Variants in OGT observed in about 807,000 individuals in gnomAD.
OGT encodes the protein UDP-N-acetylglucosamine--peptide N-acetylglucosaminyltransferase 110 kDa subunit.
Under a neutral mutation model 75.8 loss-of-function variants are expected in OGT, and 3 were observed. That is an observed-to-expected ratio of 0.04 (90% CI 0.02 to 0.10). The LOEUF is 0.10. OGT is among the 10% of genes least tolerant of loss of function. OGT has a pLI of 1.00. For synonymous variants in OGT, 257 were observed against 289.7 expected, an observed-to-expected ratio of 0.89 and a Z score of 1.15; for missense variants, 260 against 824.4, an observed-to-expected ratio of 0.32 and a Z score of 8.38.
intron 5 of OGT, 24 bp downstream of exon 5, chrX:71,548,047 G>A: frequency 1.7e-6 from 2 of 1,199,490 alleles, no homozygotes; most frequent in Non-Finnish European, 2.3e-6. Context: ...TTAATAATTG[G>A]TATTTTTGAA....
intron 5 of OGT, among the ~76,000 whole-genome samples, chrX:71,550,374 TTTTTG>T (rs1287856031): frequency 8.9e-6 from 1 of 111,935 alleles, no homozygotes. Flanking sequence ...CCATTTGTTT[TTTTTG>T]TTTTGTTTTG....
chrX:71,569,681 T>G (rs1352934227), intron 21 of OGT, among the ~76,000 whole-genome samples: 1 of 110,351 alleles, frequency 9.1e-6, no homozygotes, highest in Non-Finnish European at 1.9e-5. Flanking sequence ...AATTTTTAAA[T>G]TTTTTTGTAG....
At chrX:71,560,364 C>G in intron 14 of OGT, among the ~76,000 whole-genome samples, 1 of 108,437 alleles carries the variant, frequency 9.2e-6, no homozygotes. Context: ...TATTTCTGTA[C>G]TTGTTCTATT....
intron 5 of OGT, among the ~76,000 whole-genome samples, chrX:71,552,940 G>A (rs1410324394): frequency 1.8e-5 from 2 of 111,485 alleles, no homozygotes; most frequent in Middle Eastern, 4.6e-3. Context: ...AGACTTGGAC[G>A]TAATGTTCCT....
intron 19 of OGT, among the ~76,000 whole-genome samples, chrX:71,565,018 A>G (rs903591362): frequency 9.0e-6 from 1 of 111,080 alleles, no homozygotes; most frequent in Non-Finnish European, 1.9e-5. Flanking sequence ...AATTAGCCGG[A>G]CATGGTGGTA....
chrX:71,544,747 A>G, intron 4 of OGT, 112 bp downstream of exon 4: 2 of 618,035 alleles, frequency 3.2e-6, no homozygotes, highest in Non-Finnish European at 5.2e-6. Flanking sequence ...TTTGAAACTG[A>G]GGAAAACTGA....
chrX:71,558,359 G>C (rs1212512208), intron 12 of OGT, among the ~76,000 whole-genome samples: 2 of 109,832 alleles, frequency 1.8e-5, no homozygotes, highest in African/African-American at 6.6e-5. Context: ...TGGAGTGCTA[G>C]GTGTACTTTT....
Position 71,574,661 on chromosome X carries a change from A to G in OGT, c.*867A>G, listed in dbSNP as rs1449210805. 9.3e-6 allele frequency: 1 copy of G among 107,207 alleles called. No individual in the cohort carries two copies. Among genetic ancestry groups the G allele is most frequent in the Non-Finnish European group, 1.9e-5 (1 of 51,700 alleles). 8.8% of individuals were successfully genotyped at this position (107,207 alleles called of 1,213,427 possible). A position where few individuals can be genotyped will look rare whatever the true frequency, so the allele number is the denominator to read the frequency against. ...AGTTTTTTTTTTTTTCCTAATTTTG[A>G]CCTGTTTCACCAGTGTTTTACCCTT... On this transcript the variant is annotated 3_prime_UTR_variant, in exon 22 of 22. Coordinates refer to ENST00000373719, the MANE Select transcript of OGT (RefSeq NM_181672.3).
intron 2 of OGT, 72 bp from the exon 3 acceptor site, chrX:71,537,757 A>AGTTGCATATGGGCCATACCTTCTTTTCT: frequency 8.8e-7 from 1 of 1,131,430 alleles, no homozygotes; most frequent in Non-Finnish European, 1.2e-6. Flanking sequence ...AAACTGTTTG[A>AGTTGCATATGGGCCATACCTTCTTTTCT]GTTGCATATG....
At chrX:71,573,518 G>T in intron 21 of OGT, 102 bp from the exon 22 acceptor site, 2 of 624,564 alleles carry the variant, frequency 3.2e-6, no homozygotes, top group Non-Finnish European at 4.9e-6. Flanking sequence ...CGTAGAGTTT[G>T]GTCATGCATT....
intron 21 of OGT, 91 bp from the exon 22 acceptor site, chrX:71,573,529 T>G: frequency 2.5e-6 from 2 of 804,609 alleles, no homozygotes; most frequent in Non-Finnish European, 3.5e-6. Flanking sequence ...GTCATGCATT[T>G]TTTGCCACAA....
At chrX:71,555,614 TG>T (rs1300450700) in intron 7 of OGT, among the ~76,000 whole-genome samples, 4 of 111,734 alleles carry the variant, frequency 3.6e-5, no homozygotes, top group African/African-American at 1.3e-4. Flanking sequence ...CCCAGCTCCT[TG>T]GGAGGCCGAG....
At position 71,568,777 on chromosome X, in the gene OGT, G is replaced by A. The variant is rs183323016; in HGVS notation, c.2966+661G>A. Among the ~76,000 whole-genome samples the A allele has an allele frequency of 5.7e-3, 614 of 108,162 alleles. 4 individuals are homozygous for A. Among genetic ancestry groups the A allele is most frequent in the African/African-American group, 0.02 (582 of 29,643 alleles). 93.9% of individuals were successfully genotyped at this position (108,162 alleles called of 115,157 possible). A position where few individuals can be genotyped will look rare whatever the true frequency, so the allele number is the denominator to read the frequency against. On this transcript the variant is annotated intron_variant, in intron 21 of 21. Transcript: ENST00000373719. ...CGGGAGGCAGAGGTTGCAGTGAGCCGAGATCGCACCATTGCACTCCAGCCT... is the reference window on the plus strand; with the variant it reads ...CGGGAGGCAGAGGTTGCAGTGAGCCAAGATCGCACCATTGCACTCCAGCCT...
intron 3 of OGT, among the ~76,000 whole-genome samples, chrX:71,540,286 C>T (rs949543749): frequency 1.2e-4 from 13 of 112,270 alleles, no homozygotes; most frequent in Non-Finnish European, 2.4e-4. Context: ...GTCAAATGCC[C>T]GTTGTCAGTT....
intron 7 of OGT, 186 bp from the exon 8 acceptor site, chrX:71,555,766 CTT>C: frequency 2.1e-6 from 1 of 480,889 alleles, no homozygotes; most frequent in East Asian, 3.8e-5. Context: ...AAAGGAAAGT[CTT>C]TTGTACAAGT....
At position 71,557,684 on chromosome X, in the gene OGT, T is replaced by C; in HGVS notation, c.1602+12T>C. On this transcript the variant is annotated intron_variant, in intron 12 of 21. Coordinates refer to ENST00000373719, the MANE Select transcript of OGT (RefSeq NM_181672.3). ...TGTGCTTAGATAAGGTGTGATTCTT[T>C]TGTTTTAATCTTTTTGTTGTAAACT... 1 of 1,151,251 alleles carries C rather than the reference T, an allele frequency of 8.7e-7. No homozygotes were observed. The highest frequency in any genetic ancestry group is 1.2e-6 in the Non-Finnish European group (1 of 863,213). 94.9% of individuals were successfully genotyped at this position (1,151,251 alleles called of 1,213,427 possible). A position where few individuals can be genotyped will look rare whatever the true frequency, so the allele number is the denominator to read the frequency against.
Position 71,574,743 on chromosome X carries a change from C to CT in OGT, c.*949_*950insT, listed in dbSNP as rs2040483451. On this transcript the variant is annotated 3_prime_UTR_variant, in exon 22 of 22. Transcript: ENST00000373719. ...ATAGTGTGTGTAAGATTTTTACCTT[C>CT]CTTTCTAAAGTTTTTTTTTTTTTTT... 1.0e-5 allele frequency: 1 copy of CT among 98,795 alleles called. No homozygotes were observed. The highest frequency in any genetic ancestry group is 2.0e-5 in the Non-Finnish European group (1 of 50,565). 8.1% of individuals were successfully genotyped at this position (98,795 alleles called of 1,213,427 possible). A position where few individuals can be genotyped will look rare whatever the true frequency, so the allele number is the denominator to read the frequency against.
intron 4 of OGT, chrX:71,546,521 A>G (rs1300424317): frequency 1.3e-6 from 1 of 752,729 alleles, no homozygotes; most frequent in African/African-American, 2.3e-5. Context: ...CAGCAAAACA[A>G]TTTGCCTCCA....
At chrX:71,567,471 A>G in intron 19 of OGT, 29 bp from the exon 20 acceptor site, 1 of 1,102,663 alleles carries the variant, frequency 9.1e-7, no homozygotes, top group Non-Finnish European at 1.2e-6. Flanking sequence ...ATCTGCTATT[A>G]ATAATTATTC....
Sources: gnomAD v4.1 joint callset for allele counts (sites outside exome capture counted in the v4.1 genomes callset) on GRCh38, gnomAD v4.1.1 for gene constraint, MANE v1.5 for transcripts, NCBI Gene and HGNC (gene_info 2026-07-23, HGNC 2026-07-21) for gene names.